The following HSD17B3 variants were observed in gnomAD, a reference collection of about 807,000 sequenced individuals.
The protein encoded by HSD17B3 is hydroxysteroid 17-beta dehydrogenase 3.
A neutral mutation model predicts 41.1 loss-of-function variants in HSD17B3; 29 were observed. The ratio of observed to expected loss-of-function variants is 0.71; its 90% CI spans 0.53 to 0.96. HSD17B3 has a LOEUF of 0.96. Ranked by LOEUF, HSD17B3 falls within the 40% of genes least tolerant of loss-of-function variation. HSD17B3 has a pLI of 0.00. For missense variants in HSD17B3, 323 were observed against 374.6 expected, an observed-to-expected ratio of 0.86 and a Z score of 1.14; for synonymous variants, 126 against 145.6, an observed-to-expected ratio of 0.87 and a Z score of 0.97.
At chr9:96,259,498 G>A (rs570480576) in intron 2 of HSD17B3, among the ~76,000 whole-genome samples, 6 of 152,258 alleles carry the variant, frequency 3.9e-5, no homozygotes, top group South Asian at 2.1e-4. Context: ...CGAGGTGGGC[G>A]GATCATGAGG....
chr9:96,271,076 G>A (rs1236946863), intron 2 of HSD17B3, among the ~76,000 whole-genome samples: 2 of 151,692 alleles, frequency 1.3e-5, no homozygotes, highest in East Asian at 3.9e-4. Flanking sequence ...CCTGGATGTG[G>A]GCTCAAATGT....
intron 5 of HSD17B3, among the ~76,000 whole-genome samples, chr9:96,250,761 G>A (rs574261488): frequency 6.6e-5 from 10 of 151,944 alleles, no homozygotes; most frequent in Admixed American, 1.3e-4. Flanking sequence ...GGTGGCAGGC[G>A]CCTGCAGTCC....
chr9:96,261,441 C>T (rs1351197800), intron 2 of HSD17B3, among the ~76,000 whole-genome samples: 3 of 152,306 alleles, frequency 2.0e-5, no homozygotes, highest in Admixed American at 1.3e-4. Flanking sequence ...GTGATCCGCC[C>T]GCCTTGGCCT....
At chr9:96,279,448 A>C (rs1457550210) in intron 2 of HSD17B3, among the ~76,000 whole-genome samples, 2 of 152,212 alleles carry the variant, frequency 1.3e-5, no homozygotes, top group African/African-American at 4.8e-5. Context: ...AATCAAGAGA[A>C]GGGAGTGTCT....
intron 2 of HSD17B3, among the ~76,000 whole-genome samples, chr9:96,266,558 C>T (rs904638908): frequency 2.0e-5 from 3 of 152,184 alleles, no homozygotes; most frequent in Non-Finnish European, 4.4e-5. Flanking sequence ...GCATGAGCCA[C>T]TGTGCCTAGC....
intron 2 of HSD17B3, among the ~76,000 whole-genome samples, chr9:96,292,595 G>A (rs956909624): frequency 4.6e-5 from 7 of 152,102 alleles, no homozygotes; most frequent in African/African-American, 9.7e-5. Flanking sequence ...TGATCCATCC[G>A]CCTCAGCCTC....
chr9:96,257,062 C>T (rs1379530432), intron 2 of HSD17B3, among the ~76,000 whole-genome samples: 1 of 152,102 alleles, frequency 6.6e-6, no homozygotes, highest in Admixed American at 6.5e-5. Context: ...CCCTCTTTGC[C>T]TTCCGCCACG....
chr9:96,263,642 T>A (rs1274773813), intron 2 of HSD17B3, among the ~76,000 whole-genome samples: 1 of 151,560 alleles, frequency 6.6e-6, no homozygotes, highest in Non-Finnish European at 1.5e-5. Flanking sequence ...GGCAGGAGAA[T>A]GGCATGAACC....
chr9:96,245,796 C>T (rs928482035), intron 7 of HSD17B3, among the ~76,000 whole-genome samples: 9 of 152,186 alleles, frequency 5.9e-5, no homozygotes, highest in African/African-American at 2.2e-4. Flanking sequence ...AATGTGACCA[C>T]ATGAGCTGCC....
intron 4 of HSD17B3, among the ~76,000 whole-genome samples, chr9:96,252,030 C>T (rs376990054): frequency 5.9e-5 from 9 of 152,258 alleles, no homozygotes; most frequent in South Asian, 2.1e-4. Flanking sequence ...ACTGTGCACG[C>T]GGCCGTAAAG....
chr9:96,251,143 T>G, intron 5 of HSD17B3: 1 of 524,066 alleles, frequency 1.9e-6, no homozygotes, highest in Non-Finnish European at 3.4e-6. Flanking sequence ...TAAAGTAGAG[T>G]GCAGCACCCC....
intron 2 of HSD17B3, among the ~76,000 whole-genome samples, chr9:96,277,073 C>T (rs1303569076): frequency 1.3e-5 from 2 of 151,968 alleles, no homozygotes; most frequent in African/African-American, 2.4e-5. Context: ...TGGTGGCAGG[C>T]GCCTGTAGTC....
At chr9:96,294,157 A>G (rs1827261848) in intron 2 of HSD17B3, among the ~76,000 whole-genome samples, 2 of 152,158 alleles carry the variant, frequency 1.3e-5, no homozygotes, top group South Asian at 2.1e-4. Context: ...GCTCACGCCC[A>G]TAATCGCAGC....
chr9:96,253,304 C>G (rs531885799), intron 3 of HSD17B3, among the ~76,000 whole-genome samples: 1 of 152,130 alleles, frequency 6.6e-6, no homozygotes, highest in Non-Finnish European at 1.5e-5. Context: ...AACACACCTC[C>G]GAGGGACTCT....
intron 2 of HSD17B3, among the ~76,000 whole-genome samples, chr9:96,288,143 C>A (rs1408424074): frequency 6.6e-6 from 1 of 152,168 alleles, no homozygotes. Flanking sequence ...GGATTAATAG[C>A]AACCAGGTGT....
intron 2 of HSD17B3, among the ~76,000 whole-genome samples, chr9:96,292,346 GTTTTTGAAATTTGTT>G (rs1288492902): frequency 6.6e-6 from 1 of 152,120 alleles, no homozygotes; most frequent in African/African-American, 2.4e-5. Flanking sequence ...ATGGATGAAA[GTTTTTGAAATTTGTT>G]TTTATTGATT....
At position 96,238,626 on chromosome 9, in the gene HSD17B3, C is replaced by G. The variant is rs1836316425; in HGVS notation, c.822+2132G>C. Among the ~76,000 whole-genome samples the G allele has an allele frequency of 2.0e-5, 3 of 152,094 alleles. No homozygotes were observed. In the South Asian group the frequency reaches 6.2e-4, roughly 32 times the overall value. Reference sequence around the variant, plus strand: ...GCAGTGAGCCAAGATCGCACCACTGCACTCCAGCCCGGGCAACAGCGAGAC... The same window carrying G: ...GCAGTGAGCCAAGATCGCACCACTGGACTCCAGCCCGGGCAACAGCGAGAC... On this transcript the variant is annotated intron_variant, in intron 10 of 10. Coordinates refer to ENST00000375263, the MANE Select transcript of HSD17B3 (RefSeq NM_000197.2).
chr9:96,263,962 T>A (rs1036671150), intron 2 of HSD17B3, among the ~76,000 whole-genome samples: 1 of 152,160 alleles, frequency 6.6e-6, no homozygotes, highest in Non-Finnish European at 1.5e-5. Context: ...ATGTTTCATA[T>A]TCTTTAAAAT....
chr9:96,276,953 A>C (rs970800518), intron 2 of HSD17B3, among the ~76,000 whole-genome samples: 2 of 152,174 alleles, frequency 1.3e-5, no homozygotes, highest in Admixed American at 1.3e-4. Context: ...TGTAATCCCA[A>C]CACTTTGGGA....
Sources: gnomAD v4.1 joint callset for allele counts (sites outside exome capture counted in the v4.1 genomes callset) on GRCh38, gnomAD v4.1.1 for gene constraint, MANE v1.5 for transcripts, NCBI Gene and HGNC (gene_info 2026-07-23, HGNC 2026-07-21) for gene names.